Variants in NEGR1 observed in about 807,000 individuals in gnomAD.
NEGR1 encodes the protein neuronal growth regulator 1.
In NEGR1, 10 loss-of-function variants were observed where a neutral mutation model predicts 40.9. That is an observed-to-expected ratio of 0.24 (90% CI 0.15 to 0.42). The LOEUF (loss-of-function observed/expected upper bound fraction) is 0.42. NEGR1 is among the 10% of genes least tolerant of loss of function. NEGR1 has a pLI of 1.00. For missense variants in NEGR1, 352 were observed against 438.9 expected (o/e 0.80, Z 1.77); for synonymous variants, 185 against 166.8 (o/e 1.11, Z -0.84).
At chr1:71,716,953 C>T (rs1342674456) in intron 3 of NEGR1, among the ~76,000 whole-genome samples, 1 of 152,116 alleles carries the variant, frequency 6.6e-6, no homozygotes, top group African/African-American at 2.4e-5. Flanking sequence ...CTGCCTCCCC[C>T]CACCATCCAA....
chr1:71,682,228 T>C (rs926564102), intron 4 of NEGR1, among the ~76,000 whole-genome samples: 1 of 152,186 alleles, frequency 6.6e-6, no homozygotes, highest in African/African-American at 2.4e-5. Flanking sequence ...GTAAGCTTTT[T>C]AATTTTAATT....
At chr1:71,418,471 G>A (rs1421040671) in intron 6 of NEGR1, among the ~76,000 whole-genome samples, 8 of 151,712 alleles carry the variant, frequency 5.3e-5, no homozygotes, top group Admixed American at 1.3e-4. Flanking sequence ...CCGCCACCAC[G>A]GCCGTCTAAT....
chr1:71,537,082 A>G (rs1647536284), intron 6 of NEGR1, among the ~76,000 whole-genome samples: 1 of 151,702 alleles, frequency 6.6e-6, no homozygotes, highest in Admixed American at 6.6e-5. Context: ...ATTAATTACA[A>G]TTCTGAGAAT....
chr1:72,078,183 C>T (rs2100522548), intron 1 of NEGR1, among the ~76,000 whole-genome samples: 1 of 152,176 alleles, frequency 6.6e-6, no homozygotes, highest in South Asian at 2.1e-4. Flanking sequence ...AAAGAGTTAT[C>T]TAAGTCAAAT....
chr1:72,106,794 C>A (rs1649150327), intron 1 of NEGR1, among the ~76,000 whole-genome samples: 1 of 151,864 alleles, frequency 6.6e-6, no homozygotes, highest in African/African-American at 2.4e-5. Flanking sequence ...CTTTTAGACA[C>A]AATTGTGAGT....
At chr1:71,737,322 G>A (rs190479070) in intron 3 of NEGR1, among the ~76,000 whole-genome samples, 123 of 150,202 alleles carry the variant, frequency 8.2e-4, no homozygotes, top group African/African-American at 1.3e-3. Context: ...TCAAACACCC[G>A]TTGGACAGAG....
intron 1 of NEGR1, among the ~76,000 whole-genome samples, chr1:72,193,993 C>T (rs1652913079): frequency 6.6e-6 from 1 of 151,602 alleles, no homozygotes; most frequent in South Asian, 2.1e-4. Context: ...CAGATCATTG[C>T]TGTCATTCAA....
chr1:71,435,942 A>G (rs1002145035), intron 6 of NEGR1, among the ~76,000 whole-genome samples: 2 of 152,178 alleles, frequency 1.3e-5, no homozygotes, highest in African/African-American at 4.8e-5. Flanking sequence ...CTCAGTCCCT[A>G]CATGTGTGGT....
At position 71,399,300 on chromosome 1, in the gene NEGR1, C is replaced by A. The variant is rs533924872; in HGVS notation, c.*8146G>T. 2.8e-4 allele frequency: 43 copies of A among 152,052 alleles called. 1 individual carries two copies. The highest frequency in any genetic ancestry group is 1.0e-3 in the South Asian group (5 of 4,822). The allele number at this position is 152,052 out of a possible 1,614,324, so 9.4% of individuals were successfully genotyped here. A position where few individuals can be genotyped will look rare whatever the true frequency, so the allele number is the denominator to read the frequency against. ...GTAAAAAAAAAAACCCAGTCTTTCT[C>A]CTTGTCAACATTTAAAGTTATTAGA... On this transcript the variant is annotated 3_prime_UTR_variant, in exon 7 of 7. Coordinates refer to ENST00000357731, the MANE Select transcript of NEGR1 (RefSeq NM_173808.3).
In NEGR1 at chr1:72,054,314, G is replaced by T. The variant is rs535814169; in HGVS notation, c.177-119003C>A. 5.3e-5 allele frequency among the ~76,000 whole-genome samples: 8 copies of T among 151,368 alleles called. No individual in the cohort carries two copies. The South Asian group carries it at 1.5e-3, about 27-fold the overall frequency. ...TCTGTGCATTTTTACATCTATAGCT[G>T]TATCTTAGCATTTTCCATCTGTCTT... On this transcript the variant is annotated intron_variant, in intron 1 of 6. Coordinates refer to ENST00000357731, the MANE Select transcript of NEGR1 (RefSeq NM_173808.3).
intron 5 of NEGR1, among the ~76,000 whole-genome samples, chr1:71,609,671 T>G (rs931310729): frequency 2.0e-5 from 3 of 151,434 alleles, no homozygotes; most frequent in African/African-American, 7.3e-5. Context: ...CCTGCTTGCA[T>G]CACATACGTT....
intron 1 of NEGR1, among the ~76,000 whole-genome samples, chr1:72,143,893 T>C (rs1005116665): frequency 6.2e-5 from 6 of 96,674 alleles, no homozygotes; most frequent in African/African-American, 2.5e-4. Flanking sequence ...CATATATATA[T>C]ATTATATATA....
intron 2 of NEGR1, among the ~76,000 whole-genome samples, chr1:71,899,417 G>C (rs1661087311): frequency 6.6e-6 from 1 of 151,928 alleles, no homozygotes. Context: ...AAGAAGGTTG[G>C]GGGAAAAAGT....
At chr1:71,729,856 T>G (rs1424892548) in intron 3 of NEGR1, among the ~76,000 whole-genome samples, 2 of 151,594 alleles carry the variant, frequency 1.3e-5, no homozygotes, top group African/African-American at 4.8e-5. Context: ...TGGTTTTTTT[T>G]TTTTGTAAAG....
At chr1:72,135,005 G>A (rs1650397164) in intron 1 of NEGR1, among the ~76,000 whole-genome samples, 1 of 151,428 alleles carries the variant, frequency 6.6e-6, no homozygotes, top group East Asian at 2.0e-4. Flanking sequence ...CCAAAGTGCT[G>A]GGATTACAGG....
chr1:72,026,726 T>C (rs956832613), intron 1 of NEGR1, among the ~76,000 whole-genome samples: 1 of 152,116 alleles, frequency 6.6e-6, no homozygotes, highest in Non-Finnish European at 1.5e-5. Context: ...TTTCATTGAC[T>C]TGGTTTATGC....
intron 2 of NEGR1, among the ~76,000 whole-genome samples, chr1:71,918,478 T>C (rs1468771121): frequency 6.6e-6 from 1 of 151,984 alleles, no homozygotes; most frequent in Non-Finnish European, 1.5e-5. Context: ...CAAATAATTG[T>C]TCAAATGGTC....
At chr1:71,952,138 A>T (rs540882633) in intron 1 of NEGR1, among the ~76,000 whole-genome samples, 1 of 152,052 alleles carries the variant, frequency 6.6e-6, no homozygotes, top group African/African-American at 2.4e-5. Context: ...ACATCTCTCA[A>T]TTTAAATCAG....
At chr1:71,992,576 A>G (rs767542419) in intron 1 of NEGR1, among the ~76,000 whole-genome samples, 2 of 152,224 alleles carry the variant, frequency 1.3e-5, no homozygotes, top group Admixed American at 6.5e-5. Flanking sequence ...TAATCAATAT[A>G]AAGTTATTGA....
Sources: allele counts gnomAD v4.1 joint callset (sites outside exome capture counted in the v4.1 genomes callset), GRCh38; gene constraint gnomAD v4.1.1; transcripts MANE v1.5; gene names NCBI Gene and HGNC (gene_info 2026-07-23, HGNC 2026-07-21).